GPD2: variants seen among roughly 807,000 people sequenced by gnomAD.
GPD2 encodes glycerol-3-phosphate dehydrogenase, mitochondrial.
In GPD2, 54 loss-of-function variants were observed where a neutral mutation model predicts 82.4. That is an observed-to-expected ratio of 0.66 (90% confidence interval 0.53 to 0.82). The LOEUF is 0.82. Among genes scored for constraint, GPD2 ranks in the 40% least tolerant of loss-of-function variants. The probability of loss-of-function intolerance (pLI) is 0.00; values close to 1 mark genes in which losing one functional copy is unlikely to be tolerated. For missense variants in GPD2, 748 were observed against 896.2 expected (o/e 0.83, Z 2.11); for synonymous variants, 288 against 306.1 (o/e 0.94, Z 0.62).
chr2:156,515,221 C>A (rs564236616), intron 6 of GPD2, among the ~76,000 whole-genome samples: 1 of 151,874 alleles, frequency 6.6e-6, no homozygotes, highest in Admixed American at 6.6e-5. Flanking sequence ...ACCAACATGG[C>A]GAATCCTCAT....
At chr2:156,582,684 A>G in intron 16 of GPD2, 109 bp from the exon 17 acceptor site, 1 of 1,183,800 alleles carries the variant, frequency 8.4e-7, no homozygotes, top group Non-Finnish European at 1.3e-6. Context: ...AAGGTTTTTG[A>G]TGGAGCACTT....
chr2:156,451,154 G>C (rs1226609717), intron 1 of GPD2, among the ~76,000 whole-genome samples: 1 of 151,532 alleles, frequency 6.6e-6, no homozygotes. Context: ...TTGTCATCAT[G>C]GCCCGTTCTC....
chr2:156,486,392 C>T (rs1683939791), intron 2 of GPD2, among the ~76,000 whole-genome samples: 1 of 152,236 alleles, frequency 6.6e-6, no homozygotes, highest in Admixed American at 6.5e-5. Context: ...CTATGATTAA[C>T]GTTGACAGCT....
At chr2:156,461,789 C>T (rs1682998031) in intron 1 of GPD2, among the ~76,000 whole-genome samples, 1 of 152,148 alleles carries the variant, frequency 6.6e-6, no homozygotes, top group Admixed American at 6.5e-5. Context: ...TTTGTCTTTT[C>T]CAATCCATGA....
At chr2:156,433,619 C>T (rs568911021), upstream of GPD2, among the ~76,000 whole-genome samples, 3 of 152,174 alleles carry the variant, frequency 2.0e-5, no homozygotes, top group South Asian at 2.1e-4. Context: ...GCTGGCTTTG[C>T]GTGAATTACT....
In GPD2 at chr2:156,475,315, C is replaced by G. The variant is rs577835309; in HGVS notation, c.-8-783C>G. On this transcript the variant is annotated intron_variant, in intron 1 of 16. Transcript: ENST00000438166. ...AAGTCTTAAGGCATAATACCTCTGA[C>G]TTCTTATCTGTAAAGTATACTCTTT... Among the ~76,000 whole-genome samples, 13 of 152,186 alleles carry G rather than the reference C, an allele frequency of 8.5e-5. No individual in the cohort carries two copies. In the South Asian group the frequency reaches 2.5e-3, roughly 29 times the overall value.
At chr2:156,426,079 A>G in the GPD2 span, among the ~76,000 whole-genome samples, 14 of 151,686 alleles carry the variant, frequency 9.2e-5, no homozygotes, top group African/African-American at 2.7e-4. Context: ...GCCCACCACC[A>G]CGCCAGGCTA....
intron 3 of GPD2, among the ~76,000 whole-genome samples, chr2:156,508,359 A>T (rs1684861555): frequency 6.6e-6 from 1 of 152,062 alleles, no homozygotes; most frequent in South Asian, 2.1e-4. Flanking sequence ...CCCAGTCTTT[A>T]ATGACCTAAT....
At chr2:156,528,215 GTATAAAACCGGATTGAAACATGTCTATTA>G (rs1191885689) in intron 6 of GPD2, among the ~76,000 whole-genome samples, 1 of 151,870 alleles carries the variant, frequency 6.6e-6, no homozygotes, top group Non-Finnish European at 1.5e-5. Context: ...CATGTCTATT[GTATAAAACCGGATTGAAACATGTCTATTA>G]TATAAAGCCA....
the GPD2 span, among the ~76,000 whole-genome samples, chr2:156,404,875 T>C: frequency 6.7e-6 from 1 of 150,352 alleles, no homozygotes; most frequent in Non-Finnish European, 1.5e-5. Context: ...AAAAGAAACA[T>C]TTACATTTAG....
intron 2 of GPD2, among the ~76,000 whole-genome samples, chr2:156,484,859 A>G (rs1039995074): frequency 6.6e-6 from 1 of 152,232 alleles, no homozygotes; most frequent in African/African-American, 2.4e-5. Flanking sequence ...AAATAAACAA[A>G]CAAAAACAAA....
upstream of GPD2, among the ~76,000 whole-genome samples, chr2:156,433,337 C>A (rs1324490454): frequency 6.6e-6 from 1 of 152,182 alleles, no homozygotes; most frequent in East Asian, 1.9e-4. Flanking sequence ...CTTCTAAGAT[C>A]AGTGCTTGAG....
intron 6 of GPD2, among the ~76,000 whole-genome samples, chr2:156,534,536 C>A (rs1027218247): frequency 6.6e-6 from 1 of 152,076 alleles, no homozygotes; most frequent in East Asian, 1.9e-4. Context: ...GTAAGATTTT[C>A]TTTTGTTTAC....
At chr2:156,457,649 G>T (rs934790477) in intron 1 of GPD2, among the ~76,000 whole-genome samples, 7 of 152,206 alleles carry the variant, frequency 4.6e-5, no homozygotes, top group Non-Finnish European at 7.3e-5. Flanking sequence ...ACCTGTGAGT[G>T]TTAAGTGTAC....
chr2:156,538,166 C>T (rs1029944425), intron 6 of GPD2, among the ~76,000 whole-genome samples: 1 of 152,172 alleles, frequency 6.6e-6, no homozygotes, highest in Non-Finnish European at 1.5e-5. Context: ...GTATTTGCAT[C>T]TCAGTCTTCT....
chr2:156,504,778 G>C lies in GPD2; in HGVS notation c.275-6018G>C, dbSNP rs190290482. 6.5e-3 allele frequency among the ~76,000 whole-genome samples: 990 copies of C among 151,668 alleles called. 4 individuals are homozygous for C. Among genetic ancestry groups the C allele is most frequent in the Non-Finnish European group, 0.01 (682 of 67,816 alleles). On this transcript the variant is annotated intron_variant, in intron 3 of 16. Coordinates refer to ENST00000438166, the MANE Select transcript of GPD2 (RefSeq NM_000408.5). ...TATAGAAAAATATTTATTGACATGGGTAAGTGTTTACAATAAACAGTGTTA... is the reference window on the plus strand; with the variant it reads ...TATAGAAAAATATTTATTGACATGGCTAAGTGTTTACAATAAACAGTGTTA...
intron 2 of GPD2, among the ~76,000 whole-genome samples, chr2:156,493,734 T>C (rs1684264830): frequency 6.6e-6 from 1 of 152,132 alleles, no homozygotes; most frequent in Non-Finnish European, 1.5e-5. Context: ...TCAGCAATCT[T>C]TCTGATGTGT....
chr2:156,401,352 G>T, the GPD2 span, among the ~76,000 whole-genome samples: 2 of 151,958 alleles, frequency 1.3e-5, no homozygotes, highest in African/African-American at 4.8e-5. Context: ...TAAAAAATTA[G>T]AAAAACATTA....
Position 156,583,234 on chromosome 2 carries a change from T to A in GPD2, c.*316T>A. ...TTTTTGTTTATTCCCTTATTCTAAA[T>A]GAGTTCTAAAAACATAATATTTTGG... On this transcript the variant is annotated 3_prime_UTR_variant, in exon 17 of 17. Transcript: ENST00000438166. 2.9e-6 allele frequency: 1 copy of A among 345,404 alleles called. No homozygotes were observed. Among genetic ancestry groups the A allele is most frequent in the Non-Finnish European group, 5.6e-6 (1 of 178,828 alleles). The allele number at this position is 345,404 out of a possible 1,614,324, so 21.4% of individuals were successfully genotyped here. A position where few individuals can be genotyped will look rare whatever the true frequency, so the allele number is the denominator to read the frequency against.
Sources: allele counts gnomAD v4.1 joint callset (sites outside exome capture counted in the v4.1 genomes callset), GRCh38; gene constraint gnomAD v4.1.1; transcripts MANE v1.5; gene names NCBI Gene and HGNC (gene_info 2026-07-23, HGNC 2026-07-21).